Variants in SSBP2 observed in about 807,000 individuals in gnomAD.
The protein encoded by SSBP2 is single-stranded DNA-binding protein 2.
In SSBP2, 17 loss-of-function variants were observed where a neutral mutation model predicts 61.8. The ratio of observed to expected loss-of-function variants is 0.28; its 90% confidence interval spans 0.19 to 0.41. SSBP2 has a LOEUF of 0.41. Among genes scored for constraint, SSBP2 ranks in the 10% least tolerant of loss-of-function variants. The probability of loss-of-function intolerance (pLI) is 1.00; values close to 1 mark genes in which losing one functional copy is unlikely to be tolerated. For synonymous variants in SSBP2, 139 were observed against 141.3 expected (o/e 0.98, Z 0.12); for missense variants, 310 against 458.7 (o/e 0.68, Z 2.96).
chr5:81,700,206 C>CA (rs1482106220), intron 1 of SSBP2, among the ~76,000 whole-genome samples: 1 of 152,140 alleles, frequency 6.6e-6, no homozygotes, highest in East Asian at 1.9e-4. Context: ...CCATAGGTTA[C>CA]AGAATGGATG....
intron 4 of SSBP2, among the ~76,000 whole-genome samples, chr5:81,534,566 A>G (rs954919832): frequency 5.3e-5 from 8 of 152,154 alleles, no homozygotes; most frequent in Non-Finnish European, 1.0e-4. Context: ...TTACACAAAT[A>G]AAGAATGCCT....
chr5:81,660,864 G>A (rs1434035253), intron 1 of SSBP2, among the ~76,000 whole-genome samples: 2 of 152,162 alleles, frequency 1.3e-5, no homozygotes, highest in East Asian at 3.9e-4. Flanking sequence ...GCAGGGACAT[G>A]GATGAAGCTG....
rs185625696 is a variant in SSBP2 at position 81,558,003 on chromosome 5, T to C, written c.283-44286A>G. Among the ~76,000 whole-genome samples the C allele has an allele frequency of 8.5e-5, 13 of 152,316 alleles. No homozygotes were observed. In the East Asian group the frequency reaches 2.5e-3, roughly 29 times the overall value. On this transcript the variant is annotated intron_variant, in intron 4 of 16. Transcript: ENST00000320672. ...ATTACTTAAAAATTGTTTGAACCTT[T>C]TGATTCTTGCTTTTAAGATTTCTTA...
At chr5:81,586,082 T>A (rs1003513415) in intron 4 of SSBP2, among the ~76,000 whole-genome samples, 1 of 152,262 alleles carries the variant, frequency 6.6e-6, no homozygotes, top group Non-Finnish European at 1.5e-5. Context: ...TCTTGGTTAC[T>A]GTGAATAATG....
chr5:81,539,398 T>A (rs1294578533), intron 4 of SSBP2, among the ~76,000 whole-genome samples: 3 of 152,198 alleles, frequency 2.0e-5, no homozygotes, highest in African/African-American at 7.2e-5. Flanking sequence ...GAAGATGCTA[T>A]GAACACTGCT....
chr5:81,460,967 C>T, intron 10 of SSBP2, 88 bp downstream of exon 10: 1 of 803,338 alleles, frequency 1.2e-6, no homozygotes, highest in Non-Finnish European at 1.8e-6. Flanking sequence ...CAACCAATTG[C>T]AAAGCTTTCA....
intron 1 of SSBP2, among the ~76,000 whole-genome samples, chr5:81,665,766 A>G (rs111490300): frequency 6.6e-6 from 1 of 152,154 alleles, no homozygotes; most frequent in Non-Finnish European, 1.5e-5. Context: ...TGGCCTCCCA[A>G]AGTGCTGGGA....
chr5:81,589,212 A>G (rs1561573546), intron 4 of SSBP2, among the ~76,000 whole-genome samples: 1 of 152,254 alleles, frequency 6.6e-6, no homozygotes, highest in Non-Finnish European at 1.5e-5. Context: ...TGGGCAACTA[A>G]TAAATTAAAA....
chr5:81,606,180 C>G (rs1744863429), intron 4 of SSBP2, among the ~76,000 whole-genome samples: 1 of 152,144 alleles, frequency 6.6e-6, no homozygotes, highest in Non-Finnish European at 1.5e-5. Flanking sequence ...GCTATTAAAA[C>G]CTCACAGGCA....
chr5:81,491,942 C>A (rs981493749), intron 5 of SSBP2, among the ~76,000 whole-genome samples: 1 of 152,168 alleles, frequency 6.6e-6, no homozygotes, highest in East Asian at 1.9e-4. Flanking sequence ...AAGTCCTCAA[C>A]TGCCTAGTGA....
At chr5:81,749,562 T>C (rs1450664038) in intron 1 of SSBP2, among the ~76,000 whole-genome samples, 1 of 152,128 alleles carries the variant, frequency 6.6e-6, no homozygotes, top group East Asian at 1.9e-4. Flanking sequence ...ACTTTTTCTC[T>C]GGTCTGAACC....
rs537834284 is a variant in SSBP2 at position 81,480,750 on chromosome 5, G to A, written c.433-6188C>T. Among the ~76,000 whole-genome samples the A allele has an allele frequency of 2.2e-4, 33 of 152,316 alleles. 1 individual carries two copies. In the South Asian group the frequency reaches 6.6e-3, roughly 31 times the overall value. On this transcript the variant is annotated intron_variant, in intron 6 of 16. Coordinates refer to ENST00000320672, the MANE Select transcript of SSBP2 (RefSeq NM_012446.5). ...AATAGATAACAATGTTTATTGCATC[G>A]ATGGACTCTTCCTTTCACAAATGAT...
At chr5:81,428,709 G>A (rs1762107105) in intron 15 of SSBP2, 26 bp from the exon 16 acceptor site, 1 of 1,571,214 alleles carries the variant, frequency 6.4e-7, no homozygotes, top group Admixed American at 1.7e-5. Flanking sequence ...AGAAAACAAG[G>A]CATTGTTGAA....
intron 4 of SSBP2, among the ~76,000 whole-genome samples, chr5:81,557,567 A>T (rs6874029): frequency 0.47 from 70,947 of 151,886 alleles, 21,139 homozygotes; most frequent in African/African-American, 0.86. Context: ...TCACTCTGTA[A>T]TTCATTTTGG....
At chr5:81,607,590 T>C (rs1367529851) in intron 4 of SSBP2, among the ~76,000 whole-genome samples, 1 of 152,160 alleles carries the variant, frequency 6.6e-6, no homozygotes, top group Non-Finnish European at 1.5e-5. Context: ...TGTTGAGAGA[T>C]TTCCCTACCT....
intron 4 of SSBP2, among the ~76,000 whole-genome samples, chr5:81,611,893 A>G (rs1745485751): frequency 6.6e-6 from 1 of 152,210 alleles, no homozygotes; most frequent in East Asian, 1.9e-4. Context: ...TAGTCTTATA[A>G]GATAAATACA....
chr5:81,558,885 A>T (rs538900676), intron 4 of SSBP2, among the ~76,000 whole-genome samples: 1 of 152,332 alleles, frequency 6.6e-6, no homozygotes, highest in South Asian at 2.1e-4. Flanking sequence ...TCTCTTAAAC[A>T]GTGTCATAAT....
intron 5 of SSBP2, among the ~76,000 whole-genome samples, chr5:81,498,655 AT>A: frequency 6.6e-6 from 1 of 152,130 alleles, no homozygotes; most frequent in African/African-American, 2.4e-5. Flanking sequence ...AGTTAATTTA[AT>A]TATCTTTCCC....
chr5:81,597,645 T>A (rs1316939979), intron 4 of SSBP2, among the ~76,000 whole-genome samples: 2 of 152,056 alleles, frequency 1.3e-5, no homozygotes, highest in African/African-American at 4.8e-5. Context: ...TAAGAAAATG[T>A]GGCACACATA....
Sources: gnomAD v4.1 joint callset for allele counts (sites outside exome capture counted in the v4.1 genomes callset) on GRCh38, gnomAD v4.1.1 for gene constraint, MANE v1.5 for transcripts, NCBI Gene and HGNC (gene_info 2026-07-23, HGNC 2026-07-21) for gene names.